The following TSC22D1 variants were observed in gnomAD, a reference collection of about 807,000 sequenced individuals.
TSC22D1 encodes the protein TSC22 domain family protein 1.
A neutral mutation model predicts 74.2 loss-of-function variants in TSC22D1; 9 were observed. The observed-to-expected ratio is 0.12, with a 90% confidence interval of 0.07 to 0.21. TSC22D1 has a LOEUF of 0.21. TSC22D1 is among the 10% of genes least tolerant of loss of function. TSC22D1 has a pLI of 1.00. For missense variants in TSC22D1, 1,427 were observed against 1,304.7 expected, an observed-to-expected ratio of 1.09 and a Z score of -1.44; for synonymous variants, 586 against 492.5, an observed-to-expected ratio of 1.19 and a Z score of -2.51.
At chr13:44,543,548 C>G (rs559054350) in intron 1 of TSC22D1, among the ~76,000 whole-genome samples, 1 of 152,326 alleles carries the variant, frequency 6.6e-6, no homozygotes, top group South Asian at 2.1e-4. Flanking sequence ...ACAAATTCCT[C>G]TAAGTATCCA....
intron 1 of TSC22D1, among the ~76,000 whole-genome samples, chr13:44,461,349 AT>A (rs1195351275): frequency 6.6e-6 from 1 of 152,180 alleles, no homozygotes; most frequent in Non-Finnish European, 1.5e-5. Flanking sequence ...TGTGGTAAGC[AT>A]TGTGACTGGC....
intron 1 of TSC22D1, among the ~76,000 whole-genome samples, chr13:44,534,361 TA>T (rs61378692): frequency 0.039 from 4,210 of 107,266 alleles, 181 homozygotes; most frequent in African/African-American, 0.11. Context: ...GACCCCGTCT[TA>T]AAAAAAAAAA....
intron 1 of TSC22D1, among the ~76,000 whole-genome samples, chr13:44,453,461 G>A (rs1271481977): frequency 6.6e-6 from 1 of 152,118 alleles, no homozygotes; most frequent in African/African-American, 2.4e-5. Context: ...ATCAAAACTG[G>A]AAGAAAATAA....
At chr13:44,519,869 G>C (rs1439498743) in intron 1 of TSC22D1, among the ~76,000 whole-genome samples, 4 of 152,052 alleles carry the variant, frequency 2.6e-5, no homozygotes, top group African/African-American at 9.7e-5. Flanking sequence ...AAACCAACAG[G>C]ACTAGATGAT....
intron 1 of TSC22D1, among the ~76,000 whole-genome samples, chr13:44,458,163 A>G (rs927206385): frequency 6.6e-5 from 10 of 152,178 alleles, no homozygotes; most frequent in Non-Finnish European, 1.2e-4. Flanking sequence ...AAAATTCTTA[A>G]TGTTCTCTTA....
intron 1 of TSC22D1, among the ~76,000 whole-genome samples, chr13:44,552,169 A>C (rs1291519229): frequency 1.3e-5 from 2 of 152,184 alleles, no homozygotes; most frequent in Non-Finnish European, 2.9e-5. Context: ...TTTAGCCCCA[A>C]ATCTTTTAGC....
intron 1 of TSC22D1, among the ~76,000 whole-genome samples, chr13:44,562,962 G>C (rs566673134): frequency 6.6e-6 from 1 of 152,112 alleles, no homozygotes; most frequent in African/African-American, 2.4e-5. Flanking sequence ...AAAATTAGCC[G>C]ATCATGGTGG....
chr13:44,574,569 T>TGC lies in TSC22D1; in HGVS notation c.1505_1506insGC (p.Gln503HisfsTer14), dbSNP rs1884058777. On this transcript the variant is annotated frameshift_variant, in exon 1 of 3. Transcript: ENST00000458659. LOFTEE classifies it high-confidence loss of function. ...CTGGTTGTTGCTGTTGTTGTTGTTG[T>TGC]TGCTGCTGCTGCTGCTGCACCACCA... The TGC allele has an allele frequency of 6.2e-7, 1 of 1,604,980 alleles. No homozygotes were observed. Among genetic ancestry groups the TGC allele is most frequent in the African/African-American group, 1.4e-5 (1 of 71,676 alleles).
intron 1 of TSC22D1, chr13:44,436,454 A>G (rs369364554): frequency 6.0e-5 from 95 of 1,592,092 alleles, no homozygotes; most frequent in Middle Eastern, 3.3e-4. Flanking sequence ...CTGTATTATT[A>G]TAAGTATCCC....
chr13:44,495,623 G>A (rs111729180), intron 1 of TSC22D1, among the ~76,000 whole-genome samples: 12 of 152,152 alleles, frequency 7.9e-5, no homozygotes, highest in Non-Finnish European at 1.6e-4. Context: ...GTGACACCAC[G>A]TAAAAGAAGT....
At position 44,476,123 on chromosome 13, in the gene TSC22D1, T is replaced by C. The variant is rs1295205863; in HGVS notation, c.2913-40028A>G. 2.0e-5 allele frequency among the ~76,000 whole-genome samples: 3 copies of C among 152,220 alleles called. No individual in the cohort carries two copies. In the East Asian group the frequency reaches 5.8e-4, roughly 29 times the overall value. The stretch of plus-strand genomic sequence containing the variant: ...ATGGATTATAATTAATAAAAACTAA[T>C]ATTCTAATGAAAACTGTTTACATCT... On this transcript the variant is annotated intron_variant, in intron 1 of 2. Coordinates refer to ENST00000458659, the MANE Select transcript of TSC22D1 (RefSeq NM_183422.4).
chr13:44,546,994 T>C (rs988925585), intron 1 of TSC22D1, among the ~76,000 whole-genome samples: 1 of 152,024 alleles, frequency 6.6e-6, no homozygotes, highest in Non-Finnish European at 1.5e-5. Flanking sequence ...ACTCCTGGGC[T>C]TAAGTAATGT....
intron 1 of TSC22D1, chr13:44,536,926 G>GAAAAA (rs10596156): frequency 4.6e-5 from 23 of 495,180 alleles, no homozygotes; most frequent in African/African-American, 3.7e-4. Context: ...GTATTTTTCT[G>GAAAAA]AAAAAAAAAA....
At chr13:44,530,465 CAG>C (rs138501801) in intron 1 of TSC22D1, among the ~76,000 whole-genome samples, 13,808 of 151,600 alleles carry the variant, frequency 0.091, 799 homozygotes, top group Non-Finnish European at 0.13. Flanking sequence ...GGATATAAAA[CAG>C]GGGAAAATCT....
intron 1 of TSC22D1, among the ~76,000 whole-genome samples, chr13:44,505,374 C>G (rs2137993402): frequency 6.6e-6 from 1 of 152,146 alleles, no homozygotes; most frequent in African/African-American, 2.4e-5. Context: ...AGCAATATGG[C>G]AAGACCCTGT....
At position 44,573,913 on chromosome 13, in the gene TSC22D1, G is replaced by C. The variant is rs1277762258; in HGVS notation, c.2162C>G (p.Ser721Cys). Residue 721 changes from serine (S) to cysteine (C), a missense_variant, in exon 1 of 3, where the codon TCT becomes TGT. Physicochemically the swap from Ser to Cys is moderately radical, Grantham distance 112 (BLOSUM62 -1). This residue lies in a region of TSC22D1 where 1,343 missense variants were observed against 1,191.5 expected (regional missense o/e 1.13). Transcript: ENST00000458659. ...QPVGQAPAAV[S>C]AVPTGSQIAN... The stretch of plus-strand genomic sequence containing the variant: ...AATCTGACTGCCAGTAGGTACAGCA[G>C]ACACTGCTGCCGGAGCCTGGCCAAC... The C allele has an allele frequency of 1.2e-6, 2 of 1,614,190 alleles. No individual in the cohort carries two copies. The highest frequency in any genetic ancestry group is 1.7e-6 in the Non-Finnish European group (2 of 1,180,052).
intron 1 of TSC22D1, among the ~76,000 whole-genome samples, chr13:44,517,819 G>GTATATATA (rs767015949): frequency 3.3e-5 from 1 of 30,338 alleles, no homozygotes; most frequent in African/African-American, 1.2e-4. Flanking sequence ...ATATGTGTGT[G>GTATATATA]TGTGTGTGTG....
chr13:44,467,559 A>T (rs1877360944), intron 1 of TSC22D1, among the ~76,000 whole-genome samples: 1 of 152,192 alleles, frequency 6.6e-6, no homozygotes, highest in Non-Finnish European at 1.5e-5. Context: ...AAAAAAAAAT[A>T]ACTCCGTTAA....
At chr13:44,571,914 C>T (rs935326557) in intron 1 of TSC22D1, among the ~76,000 whole-genome samples, 1 of 152,058 alleles carries the variant, frequency 6.6e-6, no homozygotes, top group African/African-American at 2.4e-5. Flanking sequence ...ATAACACAAA[C>T]CTCACTGAAA....
Sources: allele counts gnomAD v4.1 joint callset (sites outside exome capture counted in the v4.1 genomes callset), GRCh38; gene constraint gnomAD v4.1.1; regional missense constraint gnomAD v4.1.1; transcripts MANE v1.5; gene names NCBI Gene and HGNC (gene_info 2026-07-23, HGNC 2026-07-21).